Variants in SNX24 observed in about 807,000 individuals in gnomAD.
SNX24 encodes sorting nexin-24.
SNX24 carries 22 observed loss-of-function variants against 28.7 expected under a neutral mutation model. The observed-to-expected ratio is 0.77, with a 90% CI of 0.55 to 1.10. The LOEUF is 1.10. Ranked by LOEUF, SNX24 falls within the 50% of genes least tolerant of loss-of-function variation. SNX24 has a pLI of 0.00. For synonymous variants in SNX24, 69 were observed against 71.5 expected (o/e 0.96, Z 0.18); for missense variants, 221 against 201.1 (o/e 1.10, Z -0.60).
At chr5:122,920,901 T>A (rs529507658) in intron 1 of SNX24, among the ~76,000 whole-genome samples, 20 of 152,306 alleles carry the variant, frequency 1.3e-4, no homozygotes, top group African/African-American at 4.8e-4. Context: ...ACTTTTTTTC[T>A]TTTTAGTAGA....
chr5:122,996,225 C>T (rs1183149924), intron 3 of SNX24, among the ~76,000 whole-genome samples: 3 of 152,152 alleles, frequency 2.0e-5, no homozygotes, highest in African/African-American at 7.2e-5. Context: ...TTCTAATTGA[C>T]AAAGAGATAG....
chr5:122,941,315 C>T (rs1195582025), intron 2 of SNX24, among the ~76,000 whole-genome samples: 2 of 152,168 alleles, frequency 1.3e-5, no homozygotes, highest in Non-Finnish European at 2.9e-5. Context: ...CTACTACTAA[C>T]ACCTTTACTG....
intron 1 of SNX24, among the ~76,000 whole-genome samples, chr5:122,850,783 T>G (rs1181791672): frequency 1.2e-5 from 1 of 83,872 alleles, no homozygotes; most frequent in Non-Finnish European, 2.2e-5. Flanking sequence ...ACATTCAGCA[T>G]AAAAGTTAAA....
At chr5:122,850,730 T>C (rs1422571682) in intron 1 of SNX24, among the ~76,000 whole-genome samples, 1 of 150,474 alleles carries the variant, frequency 6.6e-6, no homozygotes, top group Non-Finnish European at 1.5e-5. Flanking sequence ...TTTTGGAGTC[T>C]AGGGTGGATT....
intron 1 of SNX24, among the ~76,000 whole-genome samples, chr5:122,854,961 A>G (rs1755116303): frequency 6.6e-6 from 1 of 152,214 alleles, no homozygotes; most frequent in East Asian, 1.9e-4. Context: ...AACTCTAATG[A>G]TCATCTGAGC....
At chr5:122,926,804 G>A (rs1758719188) in intron 1 of SNX24, among the ~76,000 whole-genome samples, 1 of 152,190 alleles carries the variant, frequency 6.6e-6, no homozygotes, top group South Asian at 2.1e-4. Context: ...GTGCTCATCA[G>A]GCCTCATCAG....
intron 1 of SNX24, among the ~76,000 whole-genome samples, chr5:122,919,586 G>A (rs574969009): frequency 5.3e-5 from 8 of 149,902 alleles, no homozygotes; most frequent in African/African-American, 1.5e-4. Flanking sequence ...TTTTTTTTGC[G>A]TTTCAGAAAG....
intron 1 of SNX24, among the ~76,000 whole-genome samples, chr5:122,863,137 G>T (rs572250048): frequency 6.6e-6 from 1 of 152,148 alleles, no homozygotes; most frequent in South Asian, 2.1e-4. Context: ...ATTAAATATA[G>T]TATCTTAGAT....
chr5:122,895,982 C>T (rs1757186666), intron 1 of SNX24, among the ~76,000 whole-genome samples: 2 of 152,180 alleles, frequency 1.3e-5, no homozygotes, highest in Admixed American at 6.5e-5. Flanking sequence ...AACCCCATCT[C>T]TACTAAAAAT....
intron 1 of SNX24, among the ~76,000 whole-genome samples, chr5:122,923,008 GATCT>G (rs539442957): frequency 4.7e-4 from 71 of 152,064 alleles, no homozygotes; most frequent in Non-Finnish European, 7.6e-4. Context: ...TAAAATACCT[GATCT>G]ATCTATCTAT....
chr5:122,906,504 T>G (rs181714129), intron 1 of SNX24, among the ~76,000 whole-genome samples: 58 of 152,338 alleles, frequency 3.8e-4, no homozygotes, highest in African/African-American at 1.3e-3. Flanking sequence ...GTTTATGTAC[T>G]GTTGGTATTT....
chr5:123,002,333 C>T (rs544258525), intron 6 of SNX24, among the ~76,000 whole-genome samples: 1 of 152,232 alleles, frequency 6.6e-6, no homozygotes, highest in South Asian at 2.1e-4. Flanking sequence ...ATTCAAGGCT[C>T]TAGTCCTTTT....
intron 1 of SNX24, among the ~76,000 whole-genome samples, chr5:122,877,348 G>A (rs1483133795): frequency 6.6e-6 from 1 of 152,122 alleles, no homozygotes; most frequent in Non-Finnish European, 1.5e-5. Context: ...ATATGAAAAT[G>A]AGGAAACCAG....
At chr5:122,847,947 G>T (rs1403453320) in intron 1 of SNX24, among the ~76,000 whole-genome samples, 1 of 151,652 alleles carries the variant, frequency 6.6e-6, no homozygotes, top group African/African-American at 2.4e-5. Flanking sequence ...CTGTATTCTG[G>T]GTGTAGGGAA....
intron 1 of SNX24, among the ~76,000 whole-genome samples, chr5:122,900,671 AG>A (rs1244872989): frequency 6.6e-6 from 1 of 152,070 alleles, no homozygotes; most frequent in African/African-American, 2.4e-5. Flanking sequence ...TGGGAGGCTG[AG>A]GCGGGAGGAT....
downstream of SNX24, among the ~76,000 whole-genome samples, chr5:123,009,936 A>G (rs1008943303): frequency 3.9e-5 from 6 of 152,236 alleles, no homozygotes; most frequent in African/African-American, 1.2e-4. Flanking sequence ...TGAGAGCTGC[A>G]ATCCAGGGAT....
chr5:123,029,299 A>ACATAC, exon 6 of SNX24: 2 of 1,614,146 alleles, frequency 1.2e-6, no homozygotes, highest in Non-Finnish European at 1.7e-6. Flanking sequence ...TAAAATTGAG[A>ACATAC]CATACCTCTC....
At chr5:122,942,206 T>A (rs903644128) in intron 2 of SNX24, among the ~76,000 whole-genome samples, 1 of 152,234 alleles carries the variant, frequency 6.6e-6, no homozygotes, top group African/African-American at 2.4e-5. Flanking sequence ...CACAAAGGTT[T>A]CAGTGAAATA....
intron 3 of SNX24, among the ~76,000 whole-genome samples, chr5:122,957,010 A>T (rs1313183279): frequency 1.3e-5 from 2 of 152,052 alleles, no homozygotes; most frequent in Non-Finnish European, 2.9e-5. Context: ...AGAAAATTTT[A>T]AATTTTCATG....
Sources: gnomAD v4.1 joint callset for allele counts (sites outside exome capture counted in the v4.1 genomes callset) on GRCh38, gnomAD v4.1.1 for gene constraint, MANE v1.5 for transcripts, NCBI Gene and HGNC (gene_info 2026-07-23, HGNC 2026-07-21) for gene names.